SH2D5: variants seen among roughly 807,000 people sequenced by gnomAD.
SH2D5 encodes SH2 domain containing 5.
Under a neutral mutation model 48.2 loss-of-function variants are expected in SH2D5, and 45 were observed. The ratio of observed to expected loss-of-function variants is 0.93; its 90% CI spans 0.73 to 1.20. The LOEUF (loss-of-function observed/expected upper bound fraction) is 1.20. Ranked by LOEUF, SH2D5 falls within the 50% of genes most tolerant of loss-of-function variation. The probability of loss-of-function intolerance (pLI) is 0.00; values close to 1 mark genes in which losing one functional copy is unlikely to be tolerated. For synonymous variants in SH2D5, 230 were observed against 249.8 expected (o/e 0.92, Z 0.75); for missense variants, 538 against 584.1 (o/e 0.92, Z 0.81).
At position 20,732,528 on chromosome 1, in the gene SH2D5, C is replaced by T. The variant is rs916390672; in HGVS notation, c.-390G>A. 6.6e-6 allele frequency: 1 copy of T among 152,390 alleles called. No homozygotes were observed. The highest frequency in any genetic ancestry group is 1.5e-5 in the Non-Finnish European group (1 of 68,142). The allele number at this position is 152,390 out of a possible 1,614,324, so 9.4% of individuals were successfully genotyped here. On this transcript the variant is annotated 5_prime_UTR_variant, in exon 1 of 10. Coordinates refer to ENST00000444387, the MANE Select transcript of SH2D5 (RefSeq NM_001103161.2). The surrounding 1 kb of genome is among the most constrained non-coding windows in gnomAD (Gnocchi z 5.1). ...CCGTTGCTCGCCTGTCATCCCTCTC[C>T]TCTTACTCGAGGACAAGTGACACTG...
chr1:20,725,287 G>A (rs1013897998), intron 5 of SH2D5, among the ~76,000 whole-genome samples: 1 of 152,226 alleles, frequency 6.6e-6, no homozygotes, highest in African/African-American at 2.4e-5. Context: ...ACATGGCCTG[G>A]ATATACAGGA....
chr1:20,724,332 G>GGCTAGA, intron 6 of SH2D5, 64 bp downstream of exon 6: 1 of 1,601,016 alleles, frequency 6.2e-7, no homozygotes, highest in Non-Finnish European at 8.5e-7. Flanking sequence ...GCCCTGACAT[G>GGCTAGA]CCCCCCAAAC....
Position 20,721,930 on chromosome 1 carries a change from G to A in SH2D5, c.1134C>T (p.Ser378=). The A allele has an allele frequency of 6.2e-7, 1 of 1,613,206 alleles. No individual in the cohort carries two copies. The change falls in exon 10 of 10, where the codon AGC becomes AGT. Residue 378 remains serine, a synonymous_variant. Coordinates refer to ENST00000444387, the MANE Select transcript of SH2D5 (RefSeq NM_001103161.2). Reference sequence around the variant, plus strand: ...GGCCCATGTCGAGGGGACAGAAGAGGCTACGTTCAGTAACCGCGTGGTTCT... The same window carrying A: ...GGCCCATGTCGAGGGGACAGAAGAGACTACGTTCAGTAACCGCGTGGTTCT... The part of the protein sequence containing the change: ...LVENHAVTER[S]LFCPLDMGRL...
rs946017437 is a variant in SH2D5 at position 20,732,446 on chromosome 1, C to CTT, written c.-309_-308insAA. The CTT allele has an allele frequency of 1.3e-5, 2 of 152,712 alleles. No homozygotes were observed. The highest frequency in any genetic ancestry group is 4.8e-5 in the African/African-American group (2 of 41,486). The allele number at this position is 152,712 out of a possible 1,614,324, so 9.5% of individuals were successfully genotyped here. A position where few individuals can be genotyped will look rare whatever the true frequency, so the allele number is the denominator to read the frequency against. On this transcript the variant is annotated 5_prime_UTR_variant, in exon 1 of 10. The change abolishes the stop of an existing upstream ORF in the 5' untranslated region. Coordinates refer to ENST00000444387, the MANE Select transcript of SH2D5 (RefSeq NM_001103161.2). This position sits in a 1 kb window ranked among gnomAD's most constrained non-coding sequence, Gnocchi z 5.1. ...GCCGCGGCTACCGCACCGCCTCCTC[C>CTT]GGGAAGCCTTCCACGACCACCACTC...
rs2054851657 is a variant in SH2D5, at chr1:20,728,542, T to TA, written c.-42-457dup. ...CAGGGGCTGGTTACAGGAAGACCTG[T>TA]AACCAGATTGCACAAAGTGCCAGAG... is the stretch of plus-strand genomic sequence containing the variant. On this transcript the variant is annotated intron_variant, in intron 1 of 9. Coordinates refer to ENST00000444387, the MANE Select transcript of SH2D5 (RefSeq NM_001103161.2). This position sits in a 1 kb window ranked among gnomAD's most constrained non-coding sequence, Gnocchi z 4.3. 6.6e-6 allele frequency among the ~76,000 whole-genome samples: 1 copy of TA among 151,954 alleles called. No homozygotes were observed. The highest frequency in any genetic ancestry group is 1.5e-5 in the Non-Finnish European group (1 of 67,956).
chr1:20,725,841 C>G, intron 5 of SH2D5, 79 bp downstream of exon 5: 1 of 1,561,254 alleles, frequency 6.4e-7, no homozygotes, highest in South Asian at 1.2e-5. Flanking sequence ...CTGGCAAAGC[C>G]CTCAAGGAAC....
In SH2D5 at chr1:20,721,993, G is replaced by T. The variant is rs774574484; in HGVS notation, c.1071C>A (p.His357Gln). 3 of 1,612,288 alleles carry T rather than the reference G, an allele frequency of 1.9e-6. No homozygotes were observed. The highest frequency in any genetic ancestry group is 2.7e-5 in the African/African-American group (2 of 75,050). Residue 357 changes from histidine to glutamine, a missense_variant and splice_region_variant, in exon 10 of 10, where the codon CAC becomes CAA. Physicochemically the swap from His to Gln is conservative, Grantham distance 24. Coordinates refer to ENST00000444387, the MANE Select transcript of SH2D5 (RefSeq NM_001103161.2). ...RNHLGRYCLE[H>Q]LPAEFPSLEA... ...CCAGGCTGGGGAACTCTGCCGGCAG[G>T]TGCTAGGGGAGGAAGGGACTTCAGC...
At chr1:20,723,412 C>G (rs1485868397) in intron 8 of SH2D5, among the ~76,000 whole-genome samples, 1 of 152,292 alleles carries the variant, frequency 6.6e-6, no homozygotes. Flanking sequence ...TCATTTGACC[C>G]TCTCCACAGC....
chr1:20,727,167 GC>G, intron 3 of SH2D5, 92 bp from the exon 4 acceptor site: 1 of 1,104,962 alleles, frequency 9.1e-7, no homozygotes, highest in Non-Finnish European at 1.3e-6. Flanking sequence ...AGGCTGGTCA[GC>G]CCACTCCACC....
chr1:20,730,349 T>C (rs2054885252), intron 1 of SH2D5, among the ~76,000 whole-genome samples: 1 of 149,472 alleles, frequency 6.7e-6, no homozygotes, highest in Non-Finnish European at 1.5e-5. Context: ...AAGTGTGAGA[T>C]GGGGAGGAGC....
In SH2D5 at chr1:20,724,245, G is replaced by C; in HGVS notation, c.637C>G (p.Leu213Val). The C allele has an allele frequency of 3.7e-6, 6 of 1,612,594 alleles. No homozygotes were observed. Among genetic ancestry groups the C allele is most frequent in the Non-Finnish European group, 5.1e-6 (6 of 1,179,816 alleles). The change falls in exon 7 of 10, where the codon CTG becomes GTG. Residue 213 changes from leucine (L) to valine (V), a missense_variant. Transcript: ENST00000444387. ...CGGGCACGGCCTTCCGACTCTGGCAGCTCCTTCTAGGGCACCAAGAGGGGC... is the reference window on the plus strand; with the variant it reads ...CGGGCACGGCCTTCCGACTCTGGCACCTCCTTCTAGGGCACCAAGAGGGGC... ...AEGLVGSGKELPESEGRARHA... is the reference protein window; with the variant it reads ...AEGLVGSGKEVPESEGRARHA...
chr1:20,732,411 C>G lies in SH2D5; in HGVS notation c.-273G>C, dbSNP rs1210358796. On this transcript the variant is annotated 5_prime_UTR_variant, in exon 1 of 10. Transcript: ENST00000444387. This position sits in a 1 kb window ranked among gnomAD's most constrained non-coding sequence, Gnocchi z 5.1. The stretch of plus-strand genomic sequence containing the variant: ...CTCCCCTCTCTGGCTGGCTCCTCCG[C>G]GTCATCCGAGCCGCGGCTACCGCAC... The G allele has an allele frequency of 2.0e-5, 3 of 152,622 alleles. No individual in the cohort carries two copies. The South Asian group carries it at 6.2e-4, about 32-fold the overall frequency. The allele number at this position is 152,622 out of a possible 1,614,324, so 9.5% of individuals were successfully genotyped here. A position where few individuals can be genotyped will look rare whatever the true frequency, so the allele number is the denominator to read the frequency against.
intron 4 of SH2D5, among the ~76,000 whole-genome samples, chr1:20,726,790 G>T (rs1362325639): frequency 2.0e-5 from 3 of 152,094 alleles, no homozygotes; most frequent in Admixed American, 6.5e-5. Context: ...AGGCCCAGGG[G>T]TGGGAAGCTG....
In SH2D5 at chr1:20,728,106, A is replaced by G. The variant is rs1337854587; in HGVS notation, c.-42-20T>C. 1.2e-5 allele frequency: 15 copies of G among 1,240,702 alleles called. No homozygotes were observed. The highest frequency in any genetic ancestry group is 1.5e-5 in the African/African-American group (1 of 67,150). The allele number at this position is 1,240,702 out of a possible 1,614,324, so 76.9% of individuals were successfully genotyped here. A position where few individuals can be genotyped will look rare whatever the true frequency, so the allele number is the denominator to read the frequency against. On this transcript the variant is annotated intron_variant, in intron 1 of 9. Coordinates refer to ENST00000444387, the MANE Select transcript of SH2D5 (RefSeq NM_001103161.2). This position sits in a 1 kb window ranked among gnomAD's most constrained non-coding sequence, Gnocchi z 4.3. ...GGGAGGCTGCAAAGGGCAGGGGGGG[A>G]AGGGCTGCTTTCGAGGCAGGCAAGC...
rs922143855 is a variant in SH2D5, at chr1:20,732,125, G to T, written c.-43+56C>A. The T allele has an allele frequency of 6.6e-6, 1 of 151,620 alleles. No individual in the cohort carries two copies. The highest frequency in any genetic ancestry group is 2.4e-5 in the African/African-American group (1 of 41,270). 9.4% of individuals were successfully genotyped at this position (151,620 alleles called of 1,614,324 possible). ...GACCCCGGTCCCCGCGCCCCCACAC[G>T]TGGCCGCGGGAACCGACCCCCGGAT... On this transcript the variant is annotated intron_variant, in intron 1 of 9. Transcript: ENST00000444387. The surrounding 1 kb of genome is among the most constrained non-coding windows in gnomAD (Gnocchi z 5.1).
intron 7 of SH2D5, 123 bp from the exon 8 acceptor site, chr1:20,723,857 T>C (rs2054739369): frequency 2.0e-6 from 2 of 986,452 alleles, no homozygotes; most frequent in East Asian, 2.6e-5. Context: ...AGCAGACATA[T>C]CTGCACACGG....
chr1:20,720,842 G>A lies in SH2D5; in HGVS notation c.*950C>T, dbSNP rs1435110846. The A allele has an allele frequency of 1.3e-5, 2 of 152,300 alleles. No homozygotes were observed. The highest frequency in any genetic ancestry group is 4.8e-5 in the African/African-American group (2 of 41,458). The allele number at this position is 152,300 out of a possible 1,614,324, so 9.4% of individuals were successfully genotyped here. ...CCCTGACAGCCACGGTCAGGGCCAT[G>A]CTAAGGGGAATGTCAGCATCGGACA... On this transcript the variant is annotated 3_prime_UTR_variant, in exon 10 of 10. Coordinates refer to ENST00000444387, the MANE Select transcript of SH2D5 (RefSeq NM_001103161.2).
chr1:20,722,110 A>G (rs1477647521), intron 9 of SH2D5, 115 bp from the exon 10 acceptor site: 7 of 939,002 alleles, frequency 7.5e-6, no homozygotes, highest in Non-Finnish European at 1.1e-5. Flanking sequence ...CGGAGCCCAG[A>G]GGCTTCACAT....
rs1307538911 is a variant in SH2D5, at chr1:20,729,551, G to A, written c.-42-1465C>T. On this transcript the variant is annotated intron_variant, in intron 1 of 9. Coordinates refer to ENST00000444387, the MANE Select transcript of SH2D5 (RefSeq NM_001103161.2). The surrounding 1 kb of genome is among the most constrained non-coding windows in gnomAD (Gnocchi z 4.2). ...TCAACAAAGCCTGCTGCTCAGGAGG[G>A]AGCTTGGGAGGACAGCGGGGTCTGA... Among the ~76,000 whole-genome samples the A allele has an allele frequency of 6.6e-6, 1 of 152,220 alleles. No homozygotes were observed. The highest frequency in any genetic ancestry group is 1.5e-5 in the Non-Finnish European group (1 of 68,042).
Sources: gnomAD v4.1 joint callset for allele counts (sites outside exome capture counted in the v4.1 genomes callset) on GRCh38, gnomAD v4.1.1 for gene constraint, Gnocchi (gnomAD v3.1) non-coding constraint, MANE v1.5 for transcripts, NCBI Gene and HGNC (gene_info 2026-07-23, HGNC 2026-07-21) for gene names.